The following TMEM131L variants were observed in gnomAD, a reference collection of about 807,000 sequenced individuals.
The protein encoded by TMEM131L is transmembrane 131 like.
Under a neutral mutation model 192.2 loss-of-function variants are expected in TMEM131L, and 54 were observed. The ratio of observed to expected loss-of-function variants is 0.28; its 90% CI spans 0.23 to 0.35. TMEM131L has a LOEUF of 0.35. Among genes scored for constraint, TMEM131L ranks in the 10% least tolerant of loss-of-function variants. The pLI, the probability that TMEM131L is intolerant of heterozygous loss-of-function variation, is 1.00. For synonymous variants in TMEM131L, 701 were observed against 704.9 expected, an observed-to-expected ratio of 0.99 and a Z score of 0.09; for missense variants, 1,888 against 1,972.9, an observed-to-expected ratio of 0.96 and a Z score of 0.82.
chr4:153,477,419 A>G (rs1009963406), intron 3 of TMEM131L, among the ~76,000 whole-genome samples: 1 of 152,162 alleles, frequency 6.6e-6, no homozygotes, highest in Non-Finnish European at 1.5e-5. Flanking sequence ...TCTTTTGTAG[A>G]TGCAGTTCTC....
chr4:153,622,806 C>A, intron 28 of TMEM131L, 92 bp from the exon 29 acceptor site: 2 of 1,258,440 alleles, frequency 1.6e-6, no homozygotes, highest in Non-Finnish European at 1.2e-6. Context: ...GTGAACCTGG[C>A]CCTACTCCTC....
rs561117923 is a variant in TMEM131L at position 153,540,007 on chromosome 4, A to G, written c.240-10066A>G. Among the ~76,000 whole-genome samples, 22 of 152,098 alleles carry G rather than the reference A, an allele frequency of 1.4e-4. No homozygotes were observed. In the East Asian group the frequency reaches 3.7e-3, roughly 25 times the overall value. ...TGCCTGTAATCCCAGCTACTGGGGA[A>G]GGCTGAGGCAGGAGAATTGCTTGAA... is the stretch of plus-strand genomic sequence containing the variant. On this transcript the variant is annotated intron_variant, in intron 3 of 34. Transcript: ENST00000409959.
At chr4:153,492,251 C>T (rs1214653249) in intron 3 of TMEM131L, among the ~76,000 whole-genome samples, 5 of 152,152 alleles carry the variant, frequency 3.3e-5, no homozygotes, top group Non-Finnish European at 7.3e-5. Flanking sequence ...CTGCGCTCAA[C>T]AGTTCTCCCA....
intron 3 of TMEM131L, among the ~76,000 whole-genome samples, chr4:153,512,814 A>G (rs1480390577): frequency 6.6e-6 from 1 of 152,122 alleles, no homozygotes; most frequent in Non-Finnish European, 1.5e-5. Context: ...GGGTTTCACC[A>G]TGTTGGCCAA....
In TMEM131L at chr4:153,596,242, AT is replaced by A. The variant is rs1554038967; in HGVS notation, c.1996-13del. 5.6e-6 allele frequency: 9 copies of A among 1,613,102 alleles called. No individual in the cohort carries two copies. Among genetic ancestry groups the A allele is most frequent in the African/African-American group, 1.3e-5 (1 of 75,000 alleles). On this transcript the variant is annotated splice_polypyrimidine_tract_variant and intron_variant, in intron 19 of 34. Coordinates refer to ENST00000409959, the MANE Select transcript of TMEM131L (RefSeq NM_001131007.2). ...CTTTCTAGGAGTATGACATGGTTTAATTTGTTAATTTGCAGGGTACGCATTC... is the reference window on the plus strand; with the variant it reads ...CTTTCTAGGAGTATGACATGGTTTAATTGTTAATTTGCAGGGTACGCATTC...
chr4:153,592,017 A>G (rs2150845016), intron 17 of TMEM131L, among the ~76,000 whole-genome samples: 1 of 152,254 alleles, frequency 6.6e-6, no homozygotes, highest in Non-Finnish European at 1.5e-5. Context: ...TCTAACTTTC[A>G]GTGTGAATTA....
At chr4:153,629,210 C>T (rs1405084786) in intron 31 of TMEM131L, among the ~76,000 whole-genome samples, 1 of 152,168 alleles carries the variant, frequency 6.6e-6, no homozygotes, top group Non-Finnish European at 1.5e-5. Context: ...CCCTCTGTCA[C>T]CACAGTTCCA....
At chr4:153,538,506 C>G (rs1736511820) in intron 3 of TMEM131L, among the ~76,000 whole-genome samples, 1 of 152,168 alleles carries the variant, frequency 6.6e-6, no homozygotes, top group African/African-American at 2.4e-5. Context: ...GTTTTACCAT[C>G]AGATTTGGGT....
Position 153,558,296 on chromosome 4 carries a change from G to A in TMEM131L, c.588G>A (p.Gly196=). The A allele has an allele frequency of 6.2e-7, 1 of 1,608,944 alleles. No homozygotes were observed. The highest frequency in any genetic ancestry group is 8.5e-7 in the Non-Finnish European group (1 of 1,175,996). The change falls in exon 7 of 35, where the codon GGG becomes GGA. Residue 196 remains glycine, a synonymous_variant. Transcript: ENST00000409959. ...GIGTRRISTE[G]SAKQLPNAYF... ...GCACTCGTAGAATCTCTACAGAAGG[G>A]TCTGCAAAGCAGCTACCAAATGCTT...
In TMEM131L at chr4:153,635,400, T is replaced by C. The variant is rs186471932; in HGVS notation, c.4418-32T>C. ...GAATTCAGTTCTCAATGAAAATGTT[T>C]ACCTATGATGATATTCTCCCATTCT... is the stretch of plus-strand genomic sequence containing the variant. On this transcript the variant is annotated intron_variant, in intron 33 of 34. Coordinates refer to ENST00000409959, the MANE Select transcript of TMEM131L (RefSeq NM_001131007.2). 3.3e-5 allele frequency: 53 copies of C among 1,607,104 alleles called. No homozygotes were observed. The Admixed American group carries it at 8.9e-4, about 27-fold the overall frequency.
chr4:153,614,222 G>A (rs558083266), intron 26 of TMEM131L, among the ~76,000 whole-genome samples: 2 of 152,168 alleles, frequency 1.3e-5, no homozygotes, highest in Non-Finnish European at 2.9e-5. Context: ...GTAATGGGAG[G>A]GAGGGGTCAG....
intron 3 of TMEM131L, among the ~76,000 whole-genome samples, chr4:153,541,448 G>C (rs746439158): frequency 6.6e-6 from 1 of 152,224 alleles, no homozygotes; most frequent in African/African-American, 2.4e-5. Context: ...TATCAACAAA[G>C]CTTTCAGCTG....
intron 3 of TMEM131L, among the ~76,000 whole-genome samples, chr4:153,479,791 A>G (rs141423356): frequency 6.6e-6 from 1 of 152,380 alleles, no homozygotes; most frequent in Non-Finnish European, 1.5e-5. Context: ...TGTCAGCAAC[A>G]TACTGGAAGA....
intron 3 of TMEM131L, among the ~76,000 whole-genome samples, chr4:153,506,792 G>A (rs1479827875): frequency 8.1e-5 from 12 of 148,190 alleles, no homozygotes; most frequent in African/African-American, 7.5e-5. Flanking sequence ...GCAGTGAGCC[G>A]AGATTGCGCC....
At chr4:153,558,139 G>A in intron 6 of TMEM131L, 119 bp from the exon 7 acceptor site, 1 of 523,156 alleles carries the variant, frequency 1.9e-6, no homozygotes, top group South Asian at 3.5e-5. Flanking sequence ...AATTGGATTA[G>A]TAGAGTCTTG....
chr4:153,622,984 G>C lies in TMEM131L; in HGVS notation c.3946G>C (p.Val1316Leu), dbSNP rs769545314. The C allele has an allele frequency of 1.9e-6, 3 of 1,614,184 alleles. No individual in the cohort carries two copies. Among genetic ancestry groups the C allele is most frequent in the Admixed American group, 1.7e-5 (1 of 60,030 alleles). Residue 1316 changes from valine to leucine, a missense_variant, in exon 29 of 35, where the codon GTG becomes CTG. By Grantham distance (32) the Val-to-Leu change is conservative (BLOSUM62 1). Transcript: ENST00000409959. ...TGACTGTGGGAGCTCCTCTGGCAGC[G>C]TGCGTGCCAGCCGGGGCAGCTGGGG... ...SSDCGSSSGS[V>L]RASRGSWGSW...
chr4:153,561,106 G>A (rs537432783), intron 7 of TMEM131L, among the ~76,000 whole-genome samples: 23 of 152,246 alleles, frequency 1.5e-4, no homozygotes, highest in African/African-American at 5.1e-4. Flanking sequence ...TATCTCATGT[G>A]GTTTTGATTT....
At chr4:153,626,656 C>T (rs1312996762) in intron 30 of TMEM131L, among the ~76,000 whole-genome samples, 4 of 152,142 alleles carry the variant, frequency 2.6e-5, no homozygotes, top group African/African-American at 9.7e-5. Context: ...TCCAGCTACT[C>T]GCTGAGGCTA....
intron 3 of TMEM131L, among the ~76,000 whole-genome samples, chr4:153,514,310 TC>T (rs1734560863): frequency 6.6e-6 from 1 of 152,240 alleles, no homozygotes; most frequent in South Asian, 2.1e-4. Flanking sequence ...CCAGAGGCTA[TC>T]GTGAATTATT....
Sources: gnomAD v4.1 joint callset for allele counts (sites outside exome capture counted in the v4.1 genomes callset) on GRCh38, gnomAD v4.1.1 for gene constraint, MANE v1.5 for transcripts, NCBI Gene and HGNC (gene_info 2026-07-23, HGNC 2026-07-21) for gene names.